KIAA1217: variants seen among roughly 807,000 people sequenced by gnomAD.
KIAA1217 encodes KIAA1217.
KIAA1217 carries 88 observed loss-of-function variants against 163.9 expected under a neutral mutation model. The ratio of observed to expected loss-of-function variants is 0.54; its 90% CI spans 0.45 to 0.64. The LOEUF is 0.64. KIAA1217 is among the 30% of genes least tolerant of loss of function. KIAA1217 has a pLI of 0.00. For missense variants in KIAA1217, 2,372 were observed against 2,475.0 expected, an observed-to-expected ratio of 0.96 and a Z score of 0.88; for synonymous variants, 903 against 923.1, an observed-to-expected ratio of 0.98 and a Z score of 0.39.
intron 1 of KIAA1217, among the ~76,000 whole-genome samples, chr10:23,819,661 G>C (rs573037467): frequency 6.6e-6 from 1 of 152,218 alleles, no homozygotes; most frequent in Admixed American, 6.5e-5. Context: ...TTTGCCCATA[G>C]ACACAAAAAA....
chr10:23,946,816 G>C (rs79406852), intron 1 of KIAA1217, among the ~76,000 whole-genome samples: 7,666 of 152,162 alleles, frequency 0.05, 460 homozygotes, highest in African/African-American at 0.14. Context: ...ATTTTTTTGA[G>C]TAAGAATTCA....
At chr10:24,301,842 C>A (rs776343543) in intron 2 of KIAA1217, among the ~76,000 whole-genome samples, 1 of 151,936 alleles carries the variant, frequency 6.6e-6, no homozygotes, top group Non-Finnish European at 1.5e-5. Context: ...GTCAGGAGTT[C>A]GAGACCAGCC....
At chr10:23,777,344 A>G (rs1026880281) in intron 1 of KIAA1217, among the ~76,000 whole-genome samples, 7 of 152,162 alleles carry the variant, frequency 4.6e-5, no homozygotes, top group African/African-American at 1.4e-4. Context: ...AGTTTAAAAG[A>G]GTATATTTAA....
intron 1 of KIAA1217, among the ~76,000 whole-genome samples, chr10:23,833,285 C>T (rs1270577047): frequency 6.6e-6 from 1 of 152,012 alleles, no homozygotes; most frequent in Non-Finnish European, 1.5e-5. Context: ...TAACTAATTG[C>T]CTCAAGCTTC....
At chr10:23,948,784 T>C (rs929368258) in intron 1 of KIAA1217, among the ~76,000 whole-genome samples, 1 of 152,084 alleles carries the variant, frequency 6.6e-6, no homozygotes, top group Admixed American at 6.6e-5. Context: ...ATGAATAAAA[T>C]AATAGATAAA....
intron 2 of KIAA1217, among the ~76,000 whole-genome samples, chr10:24,149,383 C>T (rs1477233911): frequency 6.6e-6 from 1 of 151,914 alleles, no homozygotes; most frequent in East Asian, 1.9e-4. Context: ...GAGTTTCACC[C>T]ATGTTGACCA....
intron 1 of KIAA1217, among the ~76,000 whole-genome samples, chr10:23,856,824 A>C (rs1021621165): frequency 6.6e-6 from 1 of 152,184 alleles, no homozygotes; most frequent in Admixed American, 6.5e-5. Context: ...CATGTGCGGG[A>C]TATAATCTCC....
intron 2 of KIAA1217, among the ~76,000 whole-genome samples, chr10:24,022,714 T>C (rs1237009794): frequency 6.6e-6 from 1 of 151,696 alleles, no homozygotes; most frequent in Non-Finnish European, 1.5e-5. Flanking sequence ...GGAGCCAAGA[T>C]GTCCTTCAAT....
chr10:23,734,565 A>G lies in KIAA1217; in HGVS notation c.-321+39331A>G, dbSNP rs560313584. 7.4e-4 allele frequency among the ~76,000 whole-genome samples: 113 copies of G among 152,222 alleles called. 2 individuals carry two copies. In the South Asian group the frequency reaches 0.019, roughly 26 times the overall value. On this transcript the variant is annotated intron_variant, in intron 1 of 18. Transcript: ENST00000376462. ...TGGCCTCCGAGAATGCTGGGATTAC[A>G]GGCATAAGCCACTGCACCTGGCCAA...
chr10:24,141,053 A>G (rs1381403494), intron 2 of KIAA1217, among the ~76,000 whole-genome samples: 1 of 152,092 alleles, frequency 6.6e-6, no homozygotes, highest in African/African-American at 2.4e-5. Flanking sequence ...GGGGTAGAAG[A>G]CTACAATTCA....
At chr10:24,455,097 A>T (rs1327114608) in intron 5 of KIAA1217, among the ~76,000 whole-genome samples, 1 of 152,184 alleles carries the variant, frequency 6.6e-6, no homozygotes, top group Non-Finnish European at 1.5e-5. Flanking sequence ...AGACTGAAAT[A>T]TGTTGTTTTA....
intron 2 of KIAA1217, among the ~76,000 whole-genome samples, chr10:24,302,010 A>C (rs1303973529): frequency 6.6e-6 from 1 of 152,230 alleles, no homozygotes; most frequent in East Asian, 1.9e-4. Flanking sequence ...ACGCCACTGC[A>C]CTTCAGCCTG....
At position 23,834,738 on chromosome 10, in the gene KIAA1217, TG is replaced by T. The variant is rs200983944; in HGVS notation, c.-321+139507del. Among the ~76,000 whole-genome samples, 789 of 152,178 alleles carry T rather than the reference TG, an allele frequency of 5.2e-3. 11 individuals carry two copies. Among genetic ancestry groups the T allele is most frequent in the African/African-American group, 0.017 (712 of 41,522 alleles). ...AAGATAAAACTAAATGGATTGCATG[TG>T]GGTTATGATAGAAGAATCAAGGACA... On this transcript the variant is annotated intron_variant, in intron 1 of 18. Coordinates refer to the KIAA1217 transcript ENST00000376462.
At chr10:24,062,601 G>A (rs1347877586) in intron 2 of KIAA1217, among the ~76,000 whole-genome samples, 5 of 151,324 alleles carry the variant, frequency 3.3e-5, no homozygotes, top group Non-Finnish European at 5.9e-5. Flanking sequence ...ATAAACATAC[G>A]TGTGCATGTG....
At chr10:23,898,364 A>C (rs904296968) in intron 1 of KIAA1217, among the ~76,000 whole-genome samples, 1 of 151,738 alleles carries the variant, frequency 6.6e-6, no homozygotes, top group African/African-American at 2.4e-5. Context: ...ACAACCATCA[A>C]ACTATACTAA....
chr10:24,372,993 G>A (rs983217539), intron 2 of KIAA1217, among the ~76,000 whole-genome samples: 1 of 152,148 alleles, frequency 6.6e-6, no homozygotes, highest in Non-Finnish European at 1.5e-5. Flanking sequence ...CATATTAAGG[G>A]GAAGCATTTT....
intron 1 of KIAA1217, among the ~76,000 whole-genome samples, chr10:23,725,514 G>A (rs7899375): frequency 0.22 from 33,289 of 152,098 alleles, 3,890 homozygotes; most frequent in African/African-American, 0.29. Context: ...TTATTTTCCT[G>A]AGGGTAACAT....
At chr10:23,748,798 C>T (rs1839569502) in intron 1 of KIAA1217, among the ~76,000 whole-genome samples, 1 of 152,130 alleles carries the variant, frequency 6.6e-6, no homozygotes, top group South Asian at 2.1e-4. Flanking sequence ...CCATCACTGT[C>T]AGCACTACCT....
chr10:24,514,980 C>G (rs906202645), intron 10 of KIAA1217, among the ~76,000 whole-genome samples: 2 of 151,600 alleles, frequency 1.3e-5, no homozygotes, highest in African/African-American at 2.4e-5. Flanking sequence ...CAACAGAGCA[C>G]AACTCCGTCT....
Sources: gnomAD v4.1 joint callset for allele counts (sites outside exome capture counted in the v4.1 genomes callset) on GRCh38, gnomAD v4.1.1 for gene constraint, MANE v1.5 for transcripts, NCBI Gene and HGNC (gene_info 2026-07-23, HGNC 2026-07-21) for gene names.